The following DEPTOR variants were observed in gnomAD, a reference collection of about 807,000 sequenced individuals.
The protein encoded by DEPTOR is DEP domain containing MTOR interacting protein.
DEPTOR carries 41 observed loss-of-function variants against 41.6 expected under a neutral mutation model. The ratio of observed to expected loss-of-function variants is 0.98; its 90% confidence interval spans 0.77 to 1.28. The LOEUF (loss-of-function observed/expected upper bound fraction) is 1.28, where lower values mean the gene tolerates loss of function less well. Among genes scored for constraint, DEPTOR ranks in the 50% most tolerant of loss-of-function variants. DEPTOR has a pLI of 0.00. For missense variants in DEPTOR, 514 were observed against 527.9 expected (o/e 0.97, Z 0.26); for synonymous variants, 195 against 192.3 (o/e 1.01, Z -0.12).
chr8:120,030,333 C>CCTGTTTGAA (rs1271831298), intron 8 of DEPTOR, among the ~76,000 whole-genome samples: 1 of 151,722 alleles, frequency 6.6e-6, no homozygotes, highest in African/African-American at 2.4e-5. Context: ...AAAAAAAGTA[C>CCTGTTTGAA]CTGTTTGAAT....
chr8:119,984,664 A>G (rs1828807975), intron 4 of DEPTOR, among the ~76,000 whole-genome samples: 1 of 152,106 alleles, frequency 6.6e-6, no homozygotes, highest in Non-Finnish European at 1.5e-5. Context: ...TATTCAGTCT[A>G]TCATTGAGGG....
intron 4 of DEPTOR, 109 bp downstream of exon 4, chr8:119,965,519 C>A: frequency 3.0e-6 from 4 of 1,350,086 alleles, no homozygotes; most frequent in South Asian, 2.9e-5. Context: ...AAGTCAGCTG[C>A]ACCTCTGCTT....
intron 1 of DEPTOR, among the ~76,000 whole-genome samples, chr8:119,919,572 CAG>C (rs370878494): frequency 1.7e-3 from 256 of 152,180 alleles, no homozygotes; most frequent in African/African-American, 5.9e-3. Context: ...CTTTTAGACT[CAG>C]AGTCTTTCAA....
intron 4 of DEPTOR, among the ~76,000 whole-genome samples, chr8:119,990,282 C>T (rs200126063): frequency 1.3e-5 from 2 of 152,124 alleles, no homozygotes; most frequent in African/African-American, 4.8e-5. Context: ...CTCAGCCTCC[C>T]GAGTAGCTGG....
chr8:119,893,921 C>T (rs572772531), intron 1 of DEPTOR, among the ~76,000 whole-genome samples: 7 of 152,288 alleles, frequency 4.6e-5, no homozygotes, highest in East Asian at 3.9e-4. Context: ...ATCTCATCTT[C>T]GTGAACTTCT....
chr8:119,903,603 T>G (rs1827622958), intron 1 of DEPTOR, among the ~76,000 whole-genome samples: 1 of 152,166 alleles, frequency 6.6e-6, no homozygotes, highest in African/African-American at 2.4e-5. Flanking sequence ...CCATCTGATT[T>G]GGTATTAGAT....
intron 3 of DEPTOR, among the ~76,000 whole-genome samples, chr8:119,943,248 G>A (rs891193481): frequency 4.6e-5 from 7 of 152,184 alleles, no homozygotes; most frequent in Admixed American, 6.6e-5. Flanking sequence ...GAAGGCCACT[G>A]TATTAGTCCA....
At chr8:119,990,661 T>C (rs1161522153) in intron 4 of DEPTOR, among the ~76,000 whole-genome samples, 3 of 152,208 alleles carry the variant, frequency 2.0e-5, no homozygotes, top group African/African-American at 7.2e-5. Flanking sequence ...CTTCAATCAA[T>C]TAAATAAGTG....
intron 3 of DEPTOR, among the ~76,000 whole-genome samples, chr8:119,942,276 C>T (rs111254528): frequency 2.0e-5 from 3 of 152,330 alleles, no homozygotes; most frequent in African/African-American, 7.2e-5. Flanking sequence ...GATCTTGGCT[C>T]ACTGCAATCT....
intron 1 of DEPTOR, among the ~76,000 whole-genome samples, chr8:119,881,764 G>A (rs1827300261): frequency 6.6e-6 from 1 of 152,132 alleles, no homozygotes. Context: ...ATATCCTGGA[G>A]TCAGTAAATT....
chr8:119,900,038 C>T (rs918917682), intron 1 of DEPTOR, among the ~76,000 whole-genome samples: 2 of 151,988 alleles, frequency 1.3e-5, no homozygotes, highest in South Asian at 4.1e-4. Flanking sequence ...TTATAGATGT[C>T]GGCTGGGCGC....
chr8:120,012,476 T>G (rs1417796215), intron 8 of DEPTOR, among the ~76,000 whole-genome samples: 2 of 152,196 alleles, frequency 1.3e-5, no homozygotes. Flanking sequence ...TATAATATTA[T>G]GACAACTGTG....
At chr8:119,895,408 C>G (rs1482577551) in intron 1 of DEPTOR, among the ~76,000 whole-genome samples, 2 of 152,190 alleles carry the variant, frequency 1.3e-5, no homozygotes, top group African/African-American at 4.8e-5. Flanking sequence ...TCCAAAGGAT[C>G]AGCAAGAAGG....
At chr8:119,934,705 T>G (rs935469664) in intron 3 of DEPTOR, among the ~76,000 whole-genome samples, 1 of 152,236 alleles carries the variant, frequency 6.6e-6, no homozygotes, top group African/African-American at 2.4e-5. Context: ...TATAAATACG[T>G]GACACCTATT....
chr8:119,948,787 T>A (rs1275092389), intron 3 of DEPTOR, among the ~76,000 whole-genome samples: 1 of 152,102 alleles, frequency 6.6e-6, no homozygotes, highest in Non-Finnish European at 1.5e-5. Flanking sequence ...TAATTTTAAT[T>A]TTTATTTATT....
intron 4 of DEPTOR, among the ~76,000 whole-genome samples, chr8:119,969,144 TTATAC>T (rs1828601052): frequency 6.6e-6 from 1 of 151,946 alleles, no homozygotes. Flanking sequence ...AACCAGCCTC[TTATAC>T]TATGATGTAC....
Position 120,003,003 on chromosome 8 carries a change from G to T in DEPTOR, c.817G>T (p.Val273Leu). Residue 273 changes from valine (V) to leucine (L), a missense_variant, in exon 6 of 9, where the codon GTG becomes TTG. Val to Leu is a conservative substitution (Grantham distance 32). Transcript: ENST00000286234. Reference sequence around the variant, plus strand: ...GAGCCCCAGCAAGGAGATCAAGATCGTGTCTGCAGTGAGGAGAAGCAGCAT... The same window carrying T: ...GAGCCCCAGCAAGGAGATCAAGATCTTGTCTGCAGTGAGGAGAAGCAGCAT... ...SVSPSKEIKI[V>L]SAVRRSSMSS... 1 of 1,588,034 alleles carries T rather than the reference G, an allele frequency of 6.3e-7. No homozygotes were observed. The highest frequency in any genetic ancestry group is 8.6e-7 in the Non-Finnish European group (1 of 1,167,972).
intron 6 of DEPTOR, among the ~76,000 whole-genome samples, chr8:120,003,581 C>T (rs1401810): frequency 0.85 from 129,163 of 152,014 alleles, 55,274 homozygotes; most frequent in African/African-American, 0.96. Flanking sequence ...TGTGACAGTG[C>T]TCACAGCAGG....
At chr8:119,983,757 T>A (rs1360387279) in intron 4 of DEPTOR, among the ~76,000 whole-genome samples, 1 of 132,194 alleles carries the variant, frequency 7.6e-6, no homozygotes, top group Non-Finnish European at 1.7e-5. Flanking sequence ...TAGGTGGGTT[T>A]TTTTTTCCTG....
Sources: allele counts gnomAD v4.1 joint callset (sites outside exome capture counted in the v4.1 genomes callset), GRCh38; gene constraint gnomAD v4.1.1; transcripts MANE v1.5; gene names NCBI Gene and HGNC (gene_info 2026-07-23, HGNC 2026-07-21).